The following TMEFF1 variants were observed in gnomAD, a reference collection of about 807,000 sequenced individuals.
TMEFF1 encodes the protein tomoregulin-1.
In TMEFF1, 20 loss-of-function variants were observed where a neutral mutation model predicts 47.5. The ratio of observed to expected loss-of-function variants is 0.42; its 90% CI spans 0.30 to 0.61. TMEFF1 has a LOEUF of 0.61. TMEFF1 is among the 20% of genes least tolerant of loss of function. TMEFF1 has a pLI of 0.19. For missense variants in TMEFF1, 411 were observed against 471.1 expected (o/e 0.87, Z 1.18); for synonymous variants, 162 against 166.3 (o/e 0.97, Z 0.20).
chr9:100,497,273 C>CA (rs968699492), intron 1 of TMEFF1, among the ~76,000 whole-genome samples: 1 of 137,114 alleles, frequency 7.3e-6, no homozygotes, highest in African/African-American at 2.7e-5. Context: ...GTAAGAATAA[C>CA]AAAATGCTTG....
chr9:100,522,576 A>G (rs759281238), intron 5 of TMEFF1, among the ~76,000 whole-genome samples: 1 of 150,528 alleles, frequency 6.6e-6, no homozygotes, highest in Non-Finnish European at 1.5e-5. Context: ...AGCTGGGATT[A>G]CAGGTACCTG....
intron 2 of TMEFF1, among the ~76,000 whole-genome samples, chr9:100,500,032 G>A (rs1381237589): frequency 6.6e-6 from 1 of 152,186 alleles, no homozygotes; most frequent in Non-Finnish European, 1.5e-5. Flanking sequence ...GCTGGCTTCA[G>A]ATCCCTGCTG....
intron 9 of TMEFF1, among the ~76,000 whole-genome samples, chr9:100,574,917 G>C (rs923273479): frequency 2.3e-4 from 35 of 152,282 alleles, no homozygotes; most frequent in African/African-American, 8.4e-4. Flanking sequence ...TTATACTCCA[G>C]ATCCCTCCTT....
chr9:100,512,832 T>A (rs1266947613), intron 3 of TMEFF1, among the ~76,000 whole-genome samples: 1 of 152,176 alleles, frequency 6.6e-6, no homozygotes, highest in Non-Finnish European at 1.5e-5. Context: ...TTTCTTACCT[T>A]TTGGCTTTTG....
chr9:100,550,148 C>T lies in TMEFF1; in HGVS notation c.763C>T (p.Pro255Ser). The T allele has an allele frequency of 1.2e-6, 2 of 1,611,854 alleles. 1 individual carries two copies. The highest frequency in any genetic ancestry group is 3.3e-4 in the Middle Eastern group (2 of 6,056). ...GKKDDGLQYR[P>S]DVKDASDQRE... ...GAAAGATGATGGACTACAATATCGA[C>T]CAGATGTGAAAGGTACTGAATCATG... Residue 255 changes from proline (P) to serine (S), a missense_variant, in exon 7 of 10, where the codon CCA becomes TCA. Transcript: ENST00000374879.
chr9:100,484,447 T>C (rs1343075289), intron 1 of TMEFF1, among the ~76,000 whole-genome samples: 1 of 151,958 alleles, frequency 6.6e-6, no homozygotes, highest in Non-Finnish European at 1.5e-5. Flanking sequence ...GACTCTCGAA[T>C]AGCTGGGATT....
chr9:100,521,772 C>T (rs1057292131), intron 5 of TMEFF1, among the ~76,000 whole-genome samples: 2 of 152,212 alleles, frequency 1.3e-5, no homozygotes, highest in African/African-American at 4.8e-5. Flanking sequence ...AAAAATCCTC[C>T]AGTTATTCCT....
intron 7 of TMEFF1, among the ~76,000 whole-genome samples, chr9:100,554,460 A>AG (rs1311122732): frequency 3.3e-5 from 5 of 151,966 alleles, no homozygotes; most frequent in Admixed American, 6.6e-5. Context: ...AAGGGAAGGA[A>AG]GGGAATCTAG....
chr9:100,502,274 C>A (rs534923391), intron 2 of TMEFF1, among the ~76,000 whole-genome samples: 2 of 151,988 alleles, frequency 1.3e-5, no homozygotes, highest in Non-Finnish European at 2.9e-5. Flanking sequence ...TTTTAATTGA[C>A]AAAAATAATT....
At chr9:100,566,090 T>C (rs998401810) in intron 8 of TMEFF1, among the ~76,000 whole-genome samples, 1 of 152,228 alleles carries the variant, frequency 6.6e-6, no homozygotes, top group South Asian at 2.1e-4. Context: ...CATTCTTCAC[T>C]TGGTGTCAAG....
At chr9:100,479,657 A>G (rs531102318) in intron 1 of TMEFF1, among the ~76,000 whole-genome samples, 1 of 152,312 alleles carries the variant, frequency 6.6e-6, no homozygotes, top group Admixed American at 6.5e-5. Flanking sequence ...CCCTTAGCAT[A>G]ATGTTTTCAA....
Position 100,528,254 on chromosome 9 carries a change from G to T in TMEFF1, c.560+11483G>T, listed in dbSNP as rs1351987734. Among the ~76,000 whole-genome samples, 5 of 151,176 alleles carry T rather than the reference G, an allele frequency of 3.3e-5. No homozygotes were observed. In the East Asian group the frequency reaches 5.8e-4, roughly 18 times the overall value. ...AAGCTGGATGGAGAATGACTTTGACGAGCTGAGAGAAGAAGGCTTCAGACG... is the reference window on the plus strand; with the variant it reads ...AAGCTGGATGGAGAATGACTTTGACTAGCTGAGAGAAGAAGGCTTCAGACG... On this transcript the variant is annotated intron_variant, in intron 5 of 9. Transcript: ENST00000374879.
rs1839046367 is a variant in TMEFF1 at position 100,562,863 on chromosome 9, G to T, written c.899+1343G>T. On this transcript the variant is annotated intron_variant, in intron 8 of 9. Coordinates refer to ENST00000374879, the MANE Select transcript of TMEFF1 (RefSeq NM_003692.5). ...AGATGGAGTCTCGCTCTGTCACCAG[G>T]CTGGAGTGCAGTGGTGCGATCTCGG... 2.0e-5 allele frequency among the ~76,000 whole-genome samples: 3 copies of T among 151,250 alleles called. No homozygotes were observed. The South Asian group carries it at 6.3e-4, about 32-fold the overall frequency.
intron 8 of TMEFF1, among the ~76,000 whole-genome samples, chr9:100,571,277 GA>G (rs1839233763): frequency 6.6e-6 from 1 of 152,048 alleles, no homozygotes; most frequent in South Asian, 2.1e-4. Context: ...ACTAAATATA[GA>G]AAAGCGCATA....
chr9:100,496,800 G>A (rs1015824277), intron 1 of TMEFF1, among the ~76,000 whole-genome samples: 1 of 152,110 alleles, frequency 6.6e-6, no homozygotes, highest in Admixed American at 6.6e-5. Context: ...ACTTATTCTT[G>A]TTTTTTATGT....
At chr9:100,520,219 G>A (rs1838139070) in intron 5 of TMEFF1, among the ~76,000 whole-genome samples, 1 of 152,160 alleles carries the variant, frequency 6.6e-6, no homozygotes, top group Non-Finnish European at 1.5e-5. Context: ...GGCCAAGGCA[G>A]GAGGATTGCT....
At chr9:100,484,343 A>C (rs1837406125) in intron 1 of TMEFF1, among the ~76,000 whole-genome samples, 1 of 144,006 alleles carries the variant, frequency 6.9e-6, no homozygotes, top group African/African-American at 2.6e-5. Context: ...TTTGAGATGG[A>C]GTCTCTCTCT....
intron 5 of TMEFF1, among the ~76,000 whole-genome samples, chr9:100,541,867 G>A (rs1410326714): frequency 2.0e-5 from 3 of 151,870 alleles, no homozygotes; most frequent in Non-Finnish European, 4.4e-5. Flanking sequence ...AACCATACGA[G>A]GTTTCTTCTA....
At chr9:100,576,341 A>G (rs1839353270) in intron 9 of TMEFF1, among the ~76,000 whole-genome samples, 175 bp from the exon 10 acceptor site, 1 of 152,160 alleles carries the variant, frequency 6.6e-6, no homozygotes. Context: ...TAGCAGTCTG[A>G]ATTGTGTTCA....
Sources: allele counts gnomAD v4.1 joint callset (sites outside exome capture counted in the v4.1 genomes callset), GRCh38; gene constraint gnomAD v4.1.1; transcripts MANE v1.5; gene names NCBI Gene and HGNC (gene_info 2026-07-23, HGNC 2026-07-21).